AP3B1: variants seen among roughly 807,000 people sequenced by gnomAD.
AP3B1 encodes the protein AP-3 complex subunit beta-1.
Under a neutral mutation model 132.5 loss-of-function variants are expected in AP3B1, and 61 were observed. The ratio of observed to expected loss-of-function variants is 0.46; its 90% CI spans 0.37 to 0.57. The LOEUF is 0.57. AP3B1 is among the 20% of genes least tolerant of loss of function. The pLI is 0.00. For synonymous variants in AP3B1, 388 were observed against 438.3 expected (o/e 0.89, Z 1.43); for missense variants, 1,120 against 1,289.4 (o/e 0.87, Z 2.01).
intron 7 of AP3B1, 41 bp downstream of exon 7, chr5:78,216,012 TTC>T: frequency 1.2e-6 from 2 of 1,603,068 alleles, no homozygotes; most frequent in Non-Finnish European, 1.7e-6. Flanking sequence ...AGCTCATCCA[TTC>T]TCTTAGTATA....
At chr5:78,042,475 A>C (rs904391736) in intron 22 of AP3B1, 1 of 152,628 alleles carries the variant, frequency 6.6e-6, no homozygotes, top group African/African-American at 2.4e-5. Flanking sequence ...GCTTCCAGCA[A>C]TCCTCCTGCC....
intron 8 of AP3B1, among the ~76,000 whole-genome samples, chr5:78,179,680 T>C (rs935762725): frequency 5.3e-5 from 8 of 152,306 alleles, no homozygotes; most frequent in African/African-American, 1.9e-4. Context: ...CCTCCTAACA[T>C]TCCGCTTTCA....
chr5:78,109,845 A>G (rs1035902657), intron 20 of AP3B1, among the ~76,000 whole-genome samples: 1 of 152,172 alleles, frequency 6.6e-6, no homozygotes, highest in African/African-American at 2.4e-5. Flanking sequence ...AACACACTCT[A>G]TTATGCAAAA....
intron 22 of AP3B1, among the ~76,000 whole-genome samples, chr5:78,060,319 C>A (rs1021557665): frequency 6.6e-6 from 1 of 152,152 alleles, no homozygotes; most frequent in Non-Finnish European, 1.5e-5. Flanking sequence ...GCAATCAGGT[C>A]TATGTGAGAA....
intron 22 of AP3B1, among the ~76,000 whole-genome samples, chr5:78,060,897 C>T (rs1433783720): frequency 1.3e-5 from 2 of 152,102 alleles, no homozygotes; most frequent in Non-Finnish European, 2.9e-5. Context: ...CCTATATCCA[C>T]GATTCTACCC....
At chr5:78,045,390 A>T (rs932109627) in intron 22 of AP3B1, among the ~76,000 whole-genome samples, 16 of 151,644 alleles carry the variant, frequency 1.1e-4, no homozygotes, top group Admixed American at 8.5e-4. Context: ...CAAAAAAAAA[A>T]AAAAAAAAAA....
intron 22 of AP3B1, among the ~76,000 whole-genome samples, chr5:78,045,399 A>C (rs1459450897): frequency 3.3e-5 from 5 of 150,872 alleles, no homozygotes; most frequent in Admixed American, 1.3e-4. Context: ...AAAAAAAAAA[A>C]ACACAAAGAA....
intron 14 of AP3B1, among the ~76,000 whole-genome samples, chr5:78,153,714 T>C (rs1177204135): frequency 6.6e-6 from 1 of 152,196 alleles, no homozygotes; most frequent in East Asian, 1.9e-4. Context: ...ATATTTTGTG[T>C]ATCCACTTTA....
intron 11 of AP3B1, among the ~76,000 whole-genome samples, chr5:78,167,969 C>T (rs2112383208): frequency 6.9e-6 from 1 of 145,290 alleles, no homozygotes; most frequent in African/African-American, 2.6e-5. Flanking sequence ...CACTAAAGAA[C>T]TTATGCATGT....
At chr5:78,007,709 C>T (rs1015670877) in intron 26 of AP3B1, among the ~76,000 whole-genome samples, 2 of 152,038 alleles carry the variant, frequency 1.3e-5, no homozygotes, top group African/African-American at 4.8e-5. Context: ...TCTTTATTAC[C>T]TTGAGTTATT....
intron 1 of AP3B1, among the ~76,000 whole-genome samples, chr5:78,291,516 C>A (rs1036576203): frequency 3.3e-5 from 5 of 151,128 alleles, no homozygotes; most frequent in African/African-American, 1.2e-4. Context: ...CAACCTATGC[C>A]TCCAAATGTA....
At chr5:78,049,351 T>C in intron 22 of AP3B1, among the ~76,000 whole-genome samples, 1 of 152,220 alleles carries the variant, frequency 6.6e-6, no homozygotes, top group East Asian at 1.9e-4. Flanking sequence ...AAATCATTAA[T>C]CATTACTCAC....
In AP3B1 at chr5:78,227,517, T is replaced by A; in HGVS notation, c.391A>T (p.Ile131Phe). The A allele has an allele frequency of 6.2e-7, 1 of 1,613,680 alleles. No individual in the cohort carries two copies. Among genetic ancestry groups the A allele is most frequent in the East Asian group, 2.2e-5 (1 of 44,798 alleles). ...QRALKDPNQL[I>F]RASALRVLSS... ...AGAACTCTCAAAGCGCTTGCACGAA[T>A]TAGTTGGTTTGGGTCCTAAAAATAG... Residue 131 changes from isoleucine (I) to phenylalanine (F), a missense_variant, in exon 5 of 27, where the codon ATT becomes TTT. Ile to Phe is a conservative substitution (Grantham distance 21). Coordinates refer to ENST00000255194, the MANE Select transcript of AP3B1 (RefSeq NM_003664.5).
chr5:78,026,435 A>G (rs1321714126), intron 24 of AP3B1, among the ~76,000 whole-genome samples: 1 of 152,132 alleles, frequency 6.6e-6, no homozygotes, highest in Non-Finnish European at 1.5e-5. Flanking sequence ...CTATTCTGAG[A>G]CTCAAGTTTC....
chr5:78,054,756 C>A lies in AP3B1; in HGVS notation c.2578-15482G>T, dbSNP rs952893729. On this transcript the variant is annotated intron_variant, in intron 22 of 26. Coordinates refer to ENST00000255194, the MANE Select transcript of AP3B1 (RefSeq NM_003664.5). ...CATGGATTCCCCTTGATGAAGGATG[C>A]GGATGTCACCTAGAAGAGGTCCTGG... Among the ~76,000 whole-genome samples the A allele has an allele frequency of 3.9e-5, 6 of 152,028 alleles. No homozygotes were observed. In the East Asian group the frequency reaches 5.8e-4, roughly 15 times the overall value.
At chr5:78,183,530 G>A (rs1211392065) in intron 7 of AP3B1, among the ~76,000 whole-genome samples, 1 of 152,144 alleles carries the variant, frequency 6.6e-6, no homozygotes, top group African/African-American at 2.4e-5. Flanking sequence ...GAGCAATTGA[G>A]AACATCCTGG....
rs1580607512 is a variant in AP3B1 at position 78,294,685 on chromosome 5, G to A, written c.-106C>T. On this transcript the variant is annotated 5_prime_UTR_variant, in exon 1 of 27. Transcript: ENST00000255194. ...AACTAGTTCTCGTACGGAGGAGCGC[G>A]CGCAGGCGCTTCCGGACTCGTCACG... 8 of 1,566,774 alleles carry A rather than the reference G, an allele frequency of 5.1e-6. No individual in the cohort carries two copies. In the East Asian group the frequency reaches 6.7e-5, roughly 13 times the overall value.
At chr5:78,013,918 C>T (rs1404582116) in intron 26 of AP3B1, among the ~76,000 whole-genome samples, 1 of 152,154 alleles carries the variant, frequency 6.6e-6, no homozygotes, top group African/African-American at 2.4e-5. Flanking sequence ...AATCCCAGCA[C>T]TTTGGGAGGC....
intron 20 of AP3B1, among the ~76,000 whole-genome samples, chr5:78,102,094 C>G (rs531228441): frequency 6.6e-6 from 1 of 151,776 alleles, no homozygotes; most frequent in South Asian, 2.1e-4. Context: ...TATAATTTAC[C>G]AAAAGTCTAT....
Sources: allele counts gnomAD v4.1 joint callset (sites outside exome capture counted in the v4.1 genomes callset), GRCh38; gene constraint gnomAD v4.1.1; transcripts MANE v1.5; gene names NCBI Gene and HGNC (gene_info 2026-07-23, HGNC 2026-07-21).